The following CSMD1 variants were observed in gnomAD, a reference collection of about 807,000 sequenced individuals.
CSMD1 encodes CUB and Sushi multiple domains 1.
In CSMD1, 213 loss-of-function variants were observed where a neutral mutation model predicts 417.5. The observed-to-expected ratio is 0.51, with a 90% CI of 0.46 to 0.57. The LOEUF is 0.57. Ranked by LOEUF, CSMD1 falls within the 20% of genes least tolerant of loss-of-function variation. CSMD1 has a pLI of 0.00. For missense variants in CSMD1, 6,923 were observed against 4,529.7 expected (o/e 1.53, Z -15.17); for synonymous variants, 2,862 against 1,736.8 (o/e 1.65, Z -16.11).
chr8:4,903,696 A>C (rs1252920495), intron 1 of CSMD1, among the ~76,000 whole-genome samples: 10 of 152,216 alleles, frequency 6.6e-5, no homozygotes, highest in Admixed American at 6.5e-4. Flanking sequence ...GGTTGTAATA[A>C]GGTCCCACAA....
chr8:3,410,442 T>C (rs1045458341), intron 12 of CSMD1, among the ~76,000 whole-genome samples: 2 of 152,124 alleles, frequency 1.3e-5, no homozygotes, highest in Non-Finnish European at 2.9e-5. Flanking sequence ...AGGTAATTGA[T>C]CATGGGGGCA....
intron 28 of CSMD1, among the ~76,000 whole-genome samples, chr8:3,221,453 A>G (rs1323131046): frequency 1.3e-5 from 2 of 152,166 alleles, no homozygotes; most frequent in Admixed American, 6.5e-5. Flanking sequence ...TGGTCATGTC[A>G]TATCCCCAAT....
At chr8:3,568,818 C>T (rs1235039805) in intron 10 of CSMD1, among the ~76,000 whole-genome samples, 3 of 151,886 alleles carry the variant, frequency 2.0e-5, no homozygotes, top group Non-Finnish European at 2.9e-5. Flanking sequence ...TTTAATCTTT[C>T]CAATGAAGAC....
chr8:4,186,467 C>G (rs1445016849), intron 3 of CSMD1, among the ~76,000 whole-genome samples: 1 of 151,696 alleles, frequency 6.6e-6, no homozygotes, highest in Non-Finnish European at 1.5e-5. Flanking sequence ...AATAAGGATG[C>G]TAATAAGGAA....
At chr8:4,750,305 CCTGA>C (rs1329994025) in intron 1 of CSMD1, among the ~76,000 whole-genome samples, 1 of 152,278 alleles carries the variant, frequency 6.6e-6, no homozygotes, top group South Asian at 2.1e-4. Flanking sequence ...CATGCCCGGC[CCTGA>C]CTTTTACTTT....
At chr8:4,056,780 G>A (rs1381298532) in intron 3 of CSMD1, among the ~76,000 whole-genome samples, 3 of 151,876 alleles carry the variant, frequency 2.0e-5, no homozygotes, top group East Asian at 1.9e-4. Context: ...GTGAGAACAT[G>A]CGGTGTTTCG....
chr8:4,376,360 A>T (rs1802737322), intron 3 of CSMD1, among the ~76,000 whole-genome samples: 1 of 152,196 alleles, frequency 6.6e-6, no homozygotes, highest in African/African-American at 2.4e-5. Context: ...CAACTCTTAG[A>T]AATACTTACT....
intron 12 of CSMD1, among the ~76,000 whole-genome samples, chr8:3,443,064 A>T (rs1815091757): frequency 1.3e-5 from 2 of 152,214 alleles, no homozygotes; most frequent in Non-Finnish European, 2.9e-5. Context: ...ATATGTGACT[A>T]ATTATCAAAT....
intron 8 of CSMD1, among the ~76,000 whole-genome samples, chr8:3,611,083 G>A (rs111241234): frequency 0.031 from 3,363 of 108,856 alleles, 181 homozygotes; most frequent in African/African-American, 0.11. Flanking sequence ...GAACTGTTGT[G>A]GGGTGGGGGG....
At chr8:4,966,792 G>A (rs1310445701) in intron 1 of CSMD1, among the ~76,000 whole-genome samples, 1 of 152,158 alleles carries the variant, frequency 6.6e-6, no homozygotes, top group Non-Finnish European at 1.5e-5. Context: ...TACTCGAACT[G>A]TAAAAATCCA....
intron 20 of CSMD1, among the ~76,000 whole-genome samples, chr8:3,365,829 T>C (rs1328646627): frequency 6.6e-6 from 1 of 152,180 alleles, no homozygotes; most frequent in Non-Finnish European, 1.5e-5. Flanking sequence ...AATACAAGGA[T>C]TAGGGGTGTC....
At chr8:3,848,283 A>G (rs1803650206) in intron 5 of CSMD1, among the ~76,000 whole-genome samples, 1 of 152,144 alleles carries the variant, frequency 6.6e-6, no homozygotes, top group Admixed American at 6.5e-5. Flanking sequence ...CCAACAGGGG[A>G]GCTCATTCTA....
intron 3 of CSMD1, among the ~76,000 whole-genome samples, chr8:4,276,653 C>A (rs1426356958): frequency 4.6e-5 from 7 of 152,106 alleles, no homozygotes; most frequent in African/African-American, 1.7e-4. Context: ...GATTCAAAGT[C>A]TTATTTTCCT....
chr8:3,546,332 G>A (rs1284351796), intron 10 of CSMD1, among the ~76,000 whole-genome samples: 7 of 151,890 alleles, frequency 4.6e-5, no homozygotes, highest in Non-Finnish European at 5.9e-5. Context: ...TCAGGAGATC[G>A]AGACCATCTT....
At chr8:3,868,290 C>G (rs1051617604) in intron 5 of CSMD1, among the ~76,000 whole-genome samples, 1 of 152,000 alleles carries the variant, frequency 6.6e-6, no homozygotes, top group South Asian at 2.1e-4. Flanking sequence ...TTTCAGTCGC[C>G]CTGCTTGCAG....
intron 3 of CSMD1, among the ~76,000 whole-genome samples, chr8:4,145,284 TG>T (rs1466866135): frequency 6.6e-6 from 1 of 151,074 alleles, no homozygotes; most frequent in Non-Finnish European, 1.5e-5. Context: ...AGACTTCCAA[TG>T]CTTTCTTGTT....
intron 3 of CSMD1, among the ~76,000 whole-genome samples, chr8:4,208,516 C>G (rs541639918): frequency 6.6e-6 from 1 of 152,158 alleles, no homozygotes; most frequent in African/African-American, 2.4e-5. Context: ...CTGTGATATA[C>G]CATAAGAACA....
chr8:3,612,339 C>G (rs181599826), intron 8 of CSMD1, among the ~76,000 whole-genome samples: 1 of 152,162 alleles, frequency 6.6e-6, no homozygotes, highest in East Asian at 1.9e-4. Context: ...GAGAAATAGA[C>G]AGATTCACAA....
intron 2 of CSMD1, among the ~76,000 whole-genome samples, chr8:4,619,304 T>C (rs1456028091): frequency 3.3e-5 from 5 of 152,186 alleles, no homozygotes; most frequent in East Asian, 1.9e-4. Context: ...TAAAGCAATA[T>C]AGCCTTCTCC....
Sources: allele counts gnomAD v4.1 joint callset (sites outside exome capture counted in the v4.1 genomes callset), GRCh38; gene constraint gnomAD v4.1.1; transcripts MANE v1.5; gene names NCBI Gene and HGNC (gene_info 2026-07-23, HGNC 2026-07-21).